Variants in RPGRIP1L observed in about 807,000 individuals in gnomAD.
The protein encoded by RPGRIP1L is RPGRIP1 like, also known as protein fantom.
RPGRIP1L carries 131 observed loss-of-function variants against 160.4 expected under a neutral mutation model. The observed-to-expected ratio is 0.82, with a 90% CI of 0.71 to 0.94. The LOEUF is 0.94. Among genes scored for constraint, RPGRIP1L ranks in the 40% least tolerant of loss-of-function variants. The pLI is 0.00. For synonymous variants in RPGRIP1L, 510 were observed against 515.8 expected (o/e 0.99, Z 0.15); for missense variants, 1,522 against 1,535.8 (o/e 0.99, Z 0.15).
intron 2 of RPGRIP1L, among the ~76,000 whole-genome samples, chr16:53,698,352 G>A (rs1430998392): frequency 3.0e-4 from 42 of 141,936 alleles, no homozygotes; most frequent in Non-Finnish European, 2.6e-4. Context: ...CAGCCACCCC[G>A]TCCGGGAGGG....
At chr16:53,667,685 T>A (rs566766365) in intron 9 of RPGRIP1L, among the ~76,000 whole-genome samples, 1 of 152,088 alleles carries the variant, frequency 6.6e-6, no homozygotes, top group South Asian at 2.1e-4. Flanking sequence ...CCAGCCTGGC[T>A]AACATGGGGA....
chr16:53,636,907 A>G (rs983924017), intron 21 of RPGRIP1L, among the ~76,000 whole-genome samples: 7 of 151,794 alleles, frequency 4.6e-5, no homozygotes, highest in African/African-American at 1.7e-4. Context: ...AAACTGACAG[A>G]CAATAAACTA....
intron 17 of RPGRIP1L, among the ~76,000 whole-genome samples, chr16:53,643,835 T>C (rs1481995065): frequency 6.6e-6 from 1 of 152,062 alleles, no homozygotes. Flanking sequence ...TTATGAGACA[T>C]GCAAAGAAAT....
chr16:53,665,185 G>A (rs1968139733), intron 9 of RPGRIP1L, among the ~76,000 whole-genome samples, 176 bp from the exon 10 acceptor site: 1 of 152,168 alleles, frequency 6.6e-6, no homozygotes, highest in African/African-American at 2.4e-5. Flanking sequence ...CTGCGGTTAG[G>A]GAACATGAAA....
chr16:53,603,095 C>T (rs1050234056), intron 26 of RPGRIP1L, among the ~76,000 whole-genome samples: 1 of 152,164 alleles, frequency 6.6e-6, no homozygotes, highest in Non-Finnish European at 1.5e-5. Flanking sequence ...CCCACTGTGG[C>T]CTCCCCAAGT....
intron 19 of RPGRIP1L, among the ~76,000 whole-genome samples, chr16:53,639,882 T>TATA (rs1966093276): frequency 6.6e-6 from 1 of 152,306 alleles, no homozygotes; most frequent in East Asian, 1.9e-4. Flanking sequence ...ATGTGCCAGG[T>TATA]ATTATTTTAA....
intron 14 of RPGRIP1L, chr16:53,655,586 C>T (rs1967184109): frequency 6.6e-6 from 1 of 152,170 alleles, no homozygotes; most frequent in Admixed American, 6.5e-5. Flanking sequence ...ATATGCTCCC[C>T]AAACTTACAG....
intron 6 of RPGRIP1L, among the ~76,000 whole-genome samples, chr16:53,676,965 T>C (rs534182344): frequency 4.6e-5 from 7 of 152,268 alleles, no homozygotes; most frequent in African/African-American, 1.4e-4. Flanking sequence ...AAAATTAAGA[T>C]ATATTTGAAT....
chr16:53,665,095 A>G, intron 9 of RPGRIP1L, 86 bp from the exon 10 acceptor site: 2 of 1,456,690 alleles, frequency 1.4e-6, no homozygotes, highest in Non-Finnish European at 9.5e-7. Context: ...AGTGGCGCAG[A>G]GACCACTGTC....
At chr16:53,620,606 T>C (rs1449060501) in intron 23 of RPGRIP1L, among the ~76,000 whole-genome samples, 3 of 152,160 alleles carry the variant, frequency 2.0e-5, no homozygotes, top group African/African-American at 7.2e-5. Context: ...CTGCCAAATG[T>C]CATTAAAGTG....
intron 15 of RPGRIP1L, among the ~76,000 whole-genome samples, chr16:53,650,298 G>A (rs147645476): frequency 6.6e-6 from 1 of 152,218 alleles, no homozygotes; most frequent in Non-Finnish European, 1.5e-5. Context: ...CTTACCAGAT[G>A]TGAACACCTT....
chr16:53,622,157 G>C (rs779507391), intron 23 of RPGRIP1L, 62 bp downstream of exon 23: 14 of 526,686 alleles, frequency 2.7e-5, no homozygotes, highest in Non-Finnish European at 4.4e-5. Context: ...GAGGTCGGGA[G>C]TTTGAGACCA....
intron 9 of RPGRIP1L, among the ~76,000 whole-genome samples, chr16:53,669,794 G>A (rs945944632): frequency 2.6e-5 from 4 of 152,050 alleles, no homozygotes; most frequent in African/African-American, 7.2e-5. Context: ...TTCCATGAAT[G>A]TTTCCCTTCC....
intron 17 of RPGRIP1L, among the ~76,000 whole-genome samples, chr16:53,644,446 C>A (rs1379888016): frequency 6.6e-6 from 1 of 151,996 alleles, no homozygotes; most frequent in Non-Finnish European, 1.5e-5. Flanking sequence ...AGTAAACTCC[C>A]CAAATGTGGT....
At chr16:53,646,494 G>C (rs989606724) in intron 16 of RPGRIP1L, among the ~76,000 whole-genome samples, 2 of 152,144 alleles carry the variant, frequency 1.3e-5, no homozygotes, top group East Asian at 3.9e-4. Context: ...ACGAGAAAAT[G>C]AGAACAGAGT....
At chr16:53,608,536 G>A (rs1282637958) in intron 25 of RPGRIP1L, among the ~76,000 whole-genome samples, 1 of 152,130 alleles carries the variant, frequency 6.6e-6, no homozygotes, top group African/African-American at 2.4e-5. Flanking sequence ...ATTTCAATAT[G>A]TTACCTCCCT....
rs753413251 is a variant in RPGRIP1L, at chr16:53,658,875, T to G, written c.1247A>C (p.Gln416Pro). The G allele has an allele frequency of 1.3e-6, 2 of 1,580,688 alleles. No individual in the cohort carries two copies. Among genetic ancestry groups the G allele is most frequent in the Non-Finnish European group, 1.7e-6 (2 of 1,154,352 alleles). Residue 416 changes from glutamine (Q) to proline (P), a missense_variant, in exon 11 of 27, where the codon CAA (glutamine) becomes CCA (proline). Physicochemically the swap from Gln to Pro is moderately conservative, Grantham distance 76. Transcript: ENST00000647211. ...ATTCTCTTGAACGAGTTTTTCATTT[T>G]GATCTTAAAAATAAAGTCCACACAA... ...ILDRLKTERD[Q>P]NEKLVQENRE...
chr16:53,697,632 G>A (rs923364409), intron 2 of RPGRIP1L, among the ~76,000 whole-genome samples: 8 of 152,196 alleles, frequency 5.3e-5, no homozygotes, highest in African/African-American at 1.4e-4. Context: ...TGGAGGTGCC[G>A]GGATTGCAGA....
rs139396911 is a variant in RPGRIP1L, at chr16:53,681,444, G to T, written c.776+4989C>A. Among the ~76,000 whole-genome samples the T allele has an allele frequency of 4.7e-3, 712 of 152,058 alleles. 3 individuals are homozygous for T. The highest frequency in any genetic ancestry group is 7.6e-3 in the Non-Finnish European group (517 of 67,998). On this transcript the variant is annotated intron_variant, in intron 6 of 26. Coordinates refer to ENST00000647211, the MANE Select transcript of RPGRIP1L (RefSeq NM_015272.5). ...GGTTACTGCTTTGAATTTAATTTAA[G>T]ACGGCCTTTTTAATAAGCAGAAAAT... is the stretch of plus-strand genomic sequence containing the variant.
Sources: gnomAD v4.1 joint callset for allele counts (sites outside exome capture counted in the v4.1 genomes callset) on GRCh38, gnomAD v4.1.1 for gene constraint, MANE v1.5 for transcripts, NCBI Gene and HGNC (gene_info 2026-07-23, HGNC 2026-07-21) for gene names.